Variants in ZBTB8A observed in about 807,000 individuals in gnomAD.
The protein encoded by ZBTB8A is zinc finger and BTB domain-containing protein 8A.
Under a neutral mutation model 37.8 loss-of-function variants are expected in ZBTB8A, and 19 were observed. The ratio of observed to expected loss-of-function variants is 0.50; its 90% CI spans 0.35 to 0.74. The LOEUF is 0.74. Ranked by LOEUF, ZBTB8A falls within the 30% of genes least tolerant of loss-of-function variation. The pLI is 0.01. For missense variants in ZBTB8A, 394 were observed against 537.8 expected (o/e 0.73, Z 2.65); for synonymous variants, 181 against 185.2 (o/e 0.98, Z 0.19).
intron 2 of ZBTB8A, among the ~76,000 whole-genome samples, chr1:32,558,321 T>A (rs2148222595): frequency 6.6e-6 from 1 of 152,180 alleles, no homozygotes; most frequent in East Asian, 1.9e-4. Context: ...TTTCTCTTTT[T>A]TTCTTCCTGT....
chr1:32,557,138 CT>C (rs1360467168), intron 2 of ZBTB8A, among the ~76,000 whole-genome samples: 2 of 151,884 alleles, frequency 1.3e-5, no homozygotes, highest in African/African-American at 4.8e-5. Flanking sequence ...CCCGTCTCTA[CT>C]AAAAATACAA....
chr1:32,539,691 C>CT (rs1343178773), intron 1 of ZBTB8A, 119 bp downstream of exon 1: 84 of 147,112 alleles, frequency 5.7e-4, no homozygotes, highest in South Asian at 9.4e-4. Flanking sequence ...GGGATGCGGG[C>CT]CCCGGGCGCG....
At chr1:32,556,597 G>A (rs749260096) in intron 2 of ZBTB8A, among the ~76,000 whole-genome samples, 4 of 152,110 alleles carry the variant, frequency 2.6e-5, no homozygotes, top group Non-Finnish European at 4.4e-5. Flanking sequence ...AAGGTATAGG[G>A]CCGGGCACAG....
At chr1:32,599,685 C>A (rs759808613) in intron 4 of ZBTB8A, among the ~76,000 whole-genome samples, 4 of 151,726 alleles carry the variant, frequency 2.6e-5, no homozygotes, top group Non-Finnish European at 5.9e-5. Flanking sequence ...CTATTGCACT[C>A]CAGCCTGGGC....
intron 2 of ZBTB8A, among the ~76,000 whole-genome samples, chr1:32,590,455 A>G (rs1376698699): frequency 6.6e-6 from 1 of 152,102 alleles, no homozygotes; most frequent in Non-Finnish European, 1.5e-5. Context: ...AGAGGTTTCT[A>G]ACTTCCCAGC....
At chr1:32,550,932 G>C (rs1165919214) in intron 1 of ZBTB8A, among the ~76,000 whole-genome samples, 1 of 151,130 alleles carries the variant, frequency 6.6e-6, no homozygotes, top group Non-Finnish European at 1.5e-5. Flanking sequence ...ACTCCAGCCG[G>C]GGCAACAGGA....
At chr1:32,542,659 A>G (rs1387172610) in intron 1 of ZBTB8A, among the ~76,000 whole-genome samples, 1 of 152,206 alleles carries the variant, frequency 6.6e-6, no homozygotes, top group Non-Finnish European at 1.5e-5. Flanking sequence ...ATAGAAATAC[A>G]TGTCATTGGC....
chr1:32,569,430 G>C (rs1419556207), intron 2 of ZBTB8A, among the ~76,000 whole-genome samples: 1 of 103,890 alleles, frequency 9.6e-6, no homozygotes, highest in African/African-American at 3.8e-5. Flanking sequence ...GTCTTGCTCT[G>C]TTGCCCAGGC....
chr1:32,602,153 AC>A lies in ZBTB8A; in HGVS notation c.*1738del, dbSNP rs1476488044. The stretch of plus-strand genomic sequence containing the variant: ...AGACCAGCCTGACCAACATGGAGAA[AC>A]CCCGTCTCTACTAAAAATACAAAAT... On this transcript the variant is annotated 3_prime_UTR_variant, in exon 5 of 5. Coordinates refer to ENST00000373510, the MANE Select transcript of ZBTB8A (RefSeq NM_001040441.3). The A allele has an allele frequency of 6.6e-6, 1 of 151,864 alleles. No homozygotes were observed. The highest frequency in any genetic ancestry group is 1.5e-5 in the Non-Finnish European group (1 of 68,046). 9.4% of individuals were successfully genotyped at this position (151,864 alleles called of 1,614,324 possible).
intron 2 of ZBTB8A, among the ~76,000 whole-genome samples, chr1:32,569,085 A>G (rs1269623367): frequency 2.6e-5 from 4 of 152,148 alleles, no homozygotes; most frequent in Non-Finnish European, 5.9e-5. Flanking sequence ...CCAGCAATAC[A>G]TGAGAGAACC....
intron 2 of ZBTB8A, among the ~76,000 whole-genome samples, chr1:32,569,105 A>G (rs1017344602): frequency 6.6e-6 from 1 of 152,204 alleles, no homozygotes; most frequent in Admixed American, 6.6e-5. Context: ...CAACTTCTCC[A>G]CATCCTTGCC....
chr1:32,566,782 A>C (rs1352748317), intron 2 of ZBTB8A, among the ~76,000 whole-genome samples: 1 of 152,162 alleles, frequency 6.6e-6, no homozygotes, highest in Non-Finnish European at 1.5e-5. Flanking sequence ...AGTTATGTGA[A>C]GATCCTTCAC....
intron 4 of ZBTB8A, among the ~76,000 whole-genome samples, chr1:32,599,203 C>T (rs1190398958): frequency 6.6e-6 from 1 of 151,746 alleles, no homozygotes; most frequent in Admixed American, 6.6e-5. Context: ...CCCCCCGCCC[C>T]CACCTCAAAT....
At chr1:32,542,561 A>G (rs191541147) in intron 1 of ZBTB8A, among the ~76,000 whole-genome samples, 2,291 of 152,230 alleles carry the variant, frequency 0.015, 34 homozygotes, top group Admixed American at 0.023. Flanking sequence ...GCGACAGAGC[A>G]AGACTCCGTC....
Position 32,605,387 on chromosome 1 carries a change from A to G in ZBTB8A, c.*4968A>G, listed in dbSNP as rs1303230194. On this transcript the variant is annotated 3_prime_UTR_variant, in exon 5 of 5. Coordinates refer to ENST00000373510, the MANE Select transcript of ZBTB8A (RefSeq NM_001040441.3). ...GACAGTTATCCCACATGAACGGTAA[A>G]TAAATTGAGGCACAGAACAGTAAAA... The G allele has an allele frequency of 6.6e-6, 1 of 151,838 alleles. No homozygotes were observed. The highest frequency in any genetic ancestry group is 1.5e-5 in the Non-Finnish European group (1 of 67,978). The allele number at this position is 151,838 out of a possible 1,614,324, so 9.4% of individuals were successfully genotyped here.
chr1:32,552,144 G>A (rs1032453978), intron 1 of ZBTB8A, among the ~76,000 whole-genome samples: 7 of 151,954 alleles, frequency 4.6e-5, no homozygotes, highest in Non-Finnish European at 7.4e-5. Context: ...TGGGGGGATC[G>A]CTTGAGCCCG....
rs1644502630 is a variant in ZBTB8A, at chr1:32,593,122, C to T, written c.191C>T (p.Thr64Ile). Residue 64 changes from threonine to isoleucine, a missense_variant, in exon 3 of 5, where the codon ACC becomes ATC. Coordinates refer to ENST00000373510, the MANE Select transcript of ZBTB8A (RefSeq NM_001040441.3). The stretch of plus-strand genomic sequence containing the variant: ...AATTCAAAGGAGACGAGTCAGCCAA[C>T]CACAGCTACATTTCAGGCTTTCTCC... ...SQNSKETSQP[T>I]TATFQAFSPD... The T allele has an allele frequency of 6.2e-7, 1 of 1,614,174 alleles. No individual in the cohort carries two copies. The highest frequency in any genetic ancestry group is 8.5e-7 in the Non-Finnish European group (1 of 1,180,044).
chr1:32,584,508 C>CTTTTTTTTTTTTTTTTTTTTTTTTT (rs1177778440), intron 2 of ZBTB8A, among the ~76,000 whole-genome samples: 2 of 117,876 alleles, frequency 1.7e-5, no homozygotes, highest in Non-Finnish European at 3.5e-5. Flanking sequence ...TTCTTTCTTT[C>CTTTTTTTTTTTTTTTTTTTTTTTTT]TTTTTTTTTT....
At chr1:32,568,201 G>A (rs1644298417) in intron 2 of ZBTB8A, among the ~76,000 whole-genome samples, 1 of 152,034 alleles carries the variant, frequency 6.6e-6, no homozygotes, top group Non-Finnish European at 1.5e-5. Context: ...CATTGTAAAT[G>A]TACAATTTAA....
Sources: gnomAD v4.1 joint callset for allele counts (sites outside exome capture counted in the v4.1 genomes callset) on GRCh38, gnomAD v4.1.1 for gene constraint, MANE v1.5 for transcripts, NCBI Gene and HGNC (gene_info 2026-07-23, HGNC 2026-07-21) for gene names.